Variants in CALD1 observed in about 807,000 individuals in gnomAD.
CALD1 encodes the protein caldesmon.
In CALD1, 33 loss-of-function variants were observed where a neutral mutation model predicts 99.9. That is an observed-to-expected ratio of 0.33 (90% CI 0.25 to 0.44). The LOEUF is 0.44. Ranked by LOEUF, CALD1 falls within the 20% of genes least tolerant of loss-of-function variation. The pLI is 1.00. For synonymous variants in CALD1, 310 were observed against 325.0 expected (o/e 0.95, Z 0.50); for missense variants, 861 against 962.1 (o/e 0.89, Z 1.39).
the CALD1 span, among the ~76,000 whole-genome samples, chr7:134,738,468 A>G: frequency 2.0e-5 from 3 of 152,326 alleles, no homozygotes; most frequent in African/African-American, 7.2e-5. Flanking sequence ...TTCTGGCTTA[A>G]CAATTGTTGA....
intron 1 of CALD1, among the ~76,000 whole-genome samples, chr7:134,786,760 T>C (rs754155529): frequency 6.6e-6 from 1 of 152,228 alleles, no homozygotes; most frequent in Non-Finnish European, 1.5e-5. Context: ...GCAGTTAACC[T>C]TTTCAATATA....
chr7:134,824,452 C>G (rs972629152), intron 1 of CALD1, among the ~76,000 whole-genome samples: 1 of 150,198 alleles, frequency 6.7e-6, no homozygotes, highest in Non-Finnish European at 1.5e-5. Context: ...CCTCCTCCTT[C>G]TTCTCCTTCT....
At chr7:134,808,348 T>A (rs1798230051) in intron 1 of CALD1, among the ~76,000 whole-genome samples, 1 of 152,170 alleles carries the variant, frequency 6.6e-6, no homozygotes, top group Admixed American at 6.5e-5. Context: ...GCTCAAGTGA[T>A]CCTCCCAACT....
chr7:134,862,347 T>A lies in CALD1; in HGVS notation c.-41-5346T>A, dbSNP rs184831305. Among the ~76,000 whole-genome samples, 203 of 152,278 alleles carry A rather than the reference T, an allele frequency of 1.3e-3. 2 individuals are homozygous for A. The highest frequency in any genetic ancestry group is 3.4e-3 in the Middle Eastern group (1 of 294). On this transcript the variant is annotated intron_variant, in intron 2 of 14. Coordinates refer to ENST00000361675, the MANE Select transcript of CALD1 (RefSeq NM_033138.4). Reference sequence around the variant, plus strand: ...GGGATTATACTAGCTACCTCACAGATCTGTTACCCAGATAAAGTAAAATTA... The same window carrying A: ...GGGATTATACTAGCTACCTCACAGAACTGTTACCCAGATAAAGTAAAATTA...
chr7:134,963,936 C>T (rs771314323), intron 13 of CALD1, among the ~76,000 whole-genome samples: 2 of 152,162 alleles, frequency 1.3e-5, no homozygotes, highest in Admixed American at 6.5e-5. Context: ...CGGTGGCTCA[C>T]GCCTGTAATC....
intron 1 of CALD1, among the ~76,000 whole-genome samples, chr7:134,756,661 T>C (rs1417736451): frequency 1.3e-5 from 2 of 152,350 alleles, no homozygotes; most frequent in East Asian, 3.9e-4. Context: ...GCATGATTCT[T>C]AGATCAGATC....
intron 9 of CALD1, among the ~76,000 whole-genome samples, chr7:134,954,964 C>T (rs896075807): frequency 5.3e-5 from 8 of 152,208 alleles, no homozygotes; most frequent in Admixed American, 5.2e-4. Context: ...AAGCCTTCTC[C>T]ACCTCCCCCA....
chr7:134,773,639 A>G (rs1796894280), intron 1 of CALD1, among the ~76,000 whole-genome samples: 1 of 151,976 alleles, frequency 6.6e-6, no homozygotes, highest in South Asian at 2.1e-4. Flanking sequence ...TTTCATACAC[A>G]AGCGTTCTTT....
intron 1 of CALD1, among the ~76,000 whole-genome samples, chr7:134,831,092 G>A (rs1053589779): frequency 1.3e-5 from 2 of 152,112 alleles, no homozygotes; most frequent in African/African-American, 2.4e-5. Flanking sequence ...AGTGTCCAGT[G>A]ATAAGGGAAT....
At chr7:134,726,505 A>T in the CALD1 span, among the ~76,000 whole-genome samples, 19 of 128,398 alleles carry the variant, frequency 1.5e-4, 1 homozygote, top group African/African-American at 6.4e-4. Context: ...CTTTAGATAT[A>T]TAATATACAA....
At chr7:134,792,286 CTT>C (rs1228341394) in intron 1 of CALD1, among the ~76,000 whole-genome samples, 1,729 of 122,712 alleles carry the variant, frequency 0.014, 17 homozygotes, top group African/African-American at 0.05. Flanking sequence ...ATTTCCTCTT[CTT>C]TTTTTTTTTT....
chr7:134,966,885 T>C (rs1003218867), intron 14 of CALD1, among the ~76,000 whole-genome samples: 2 of 152,120 alleles, frequency 1.3e-5, no homozygotes, highest in African/African-American at 4.8e-5. Context: ...GCAATGTAAA[T>C]AGCCCAAACC....
chr7:134,841,540 C>G (rs1799649673), intron 1 of CALD1, among the ~76,000 whole-genome samples: 1 of 152,180 alleles, frequency 6.6e-6, no homozygotes, highest in South Asian at 2.1e-4. Context: ...GCCTTATCCT[C>G]TAATGTATGA....
chr7:134,792,289 T>C lies in CALD1; in HGVS notation c.-130+12540T>C, dbSNP rs926765264. ...ATCTGCATCCAAATTTCCTCTTCTT[T>C]TTTTTTTTTTTTTTTTTGAGATGGA... On this transcript the variant is annotated intron_variant, in intron 1 of 14. Coordinates refer to ENST00000361675, the MANE Select transcript of CALD1 (RefSeq NM_033138.4). Among the ~76,000 whole-genome samples the C allele has an allele frequency of 6.3e-5, 9 of 143,644 alleles. No individual in the cohort carries two copies. In the East Asian group the frequency reaches 7.9e-4, roughly 13 times the overall value. 94.2% of individuals were successfully genotyped at this position (143,644 alleles called of 152,430 possible). A position where few individuals can be genotyped will look rare whatever the true frequency, so the allele number is the denominator to read the frequency against.
intron 2 of CALD1, among the ~76,000 whole-genome samples, chr7:134,853,717 A>T (rs1361915927): frequency 6.6e-6 from 1 of 152,124 alleles, no homozygotes; most frequent in Non-Finnish European, 1.5e-5. Flanking sequence ...TTATTTATTT[A>T]TTTTTATTAT....
chr7:134,862,777 C>A (rs1052274575), intron 2 of CALD1, among the ~76,000 whole-genome samples: 17 of 152,216 alleles, frequency 1.1e-4, no homozygotes, highest in African/African-American at 4.1e-4. Context: ...AAATGTACCA[C>A]ACTACTGCAA....
chr7:134,795,455 T>A (rs1331136174), intron 1 of CALD1, among the ~76,000 whole-genome samples: 1 of 152,232 alleles, frequency 6.6e-6, no homozygotes, highest in African/African-American at 2.4e-5. Context: ...TGTGAGTCAA[T>A]TAAACCTCTT....
At chr7:134,889,736 T>C (rs1294560543) in intron 3 of CALD1, among the ~76,000 whole-genome samples, 3 of 152,194 alleles carry the variant, frequency 2.0e-5, no homozygotes, top group Non-Finnish European at 2.9e-5. Context: ...GGCAGATGTA[T>C]CTCTACTTTT....
intron 13 of CALD1, 96 bp from the exon 14 acceptor site, chr7:134,965,210 T>G: frequency 1.4e-6 from 1 of 738,322 alleles, no homozygotes; most frequent in South Asian, 1.5e-5. Context: ...AACAACAAAC[T>G]GATTCAAATA....
Sources: gnomAD v4.1 joint callset for allele counts (sites outside exome capture counted in the v4.1 genomes callset) on GRCh38, gnomAD v4.1.1 for gene constraint, MANE v1.5 for transcripts, NCBI Gene and HGNC (gene_info 2026-07-23, HGNC 2026-07-21) for gene names.